ANK1: variants seen among roughly 807,000 people sequenced by gnomAD.
ANK1 encodes ankyrin 1.
ANK1 carries 51 observed loss-of-function variants against 210.4 expected under a neutral mutation model. The observed-to-expected ratio is 0.24, with a 90% CI of 0.19 to 0.31. ANK1 has a LOEUF of 0.31. ANK1 is among the 10% of genes least tolerant of loss of function. The probability of loss-of-function intolerance (pLI) is 1.00; values close to 1 mark genes in which losing one functional copy is unlikely to be tolerated. For synonymous variants in ANK1, 967 were observed against 1,025.9 expected, an observed-to-expected ratio of 0.94 and a Z score of 1.10; for missense variants, 2,051 against 2,504.4, an observed-to-expected ratio of 0.82 and a Z score of 3.86.
intron 1 of ANK1, among the ~76,000 whole-genome samples, chr8:41,865,032 C>G (rs943339513): frequency 1.3e-4 from 20 of 152,314 alleles, no homozygotes; most frequent in African/African-American, 4.8e-4. Context: ...AGAAGGGGAT[C>G]ACCCCCATTC....
intron 1 of ANK1, among the ~76,000 whole-genome samples, chr8:41,792,334 G>T (rs1396367257): frequency 6.6e-6 from 1 of 152,206 alleles, no homozygotes; most frequent in Non-Finnish European, 1.5e-5. Flanking sequence ...TCCGGCAGGG[G>T]TGTCAGGCTG....
chr8:41,711,968 A>G (rs1317494032), intron 16 of ANK1, among the ~76,000 whole-genome samples: 1 of 151,622 alleles, frequency 6.6e-6, no homozygotes, highest in Non-Finnish European at 1.5e-5. Flanking sequence ...TCTCTTGCCC[A>G]GGCTGGAGTG....
intron 1 of ANK1, among the ~76,000 whole-genome samples, chr8:41,765,085 C>T (rs1841439152): frequency 6.6e-6 from 1 of 151,972 alleles, no homozygotes; most frequent in African/African-American, 2.4e-5. Context: ...TTCCTTCCTT[C>T]CTTCTTTGCC....
At position 41,822,199 on chromosome 8, in the gene ANK1, AAAAG is replaced by A. The variant is rs1418569019; in HGVS notation, c.127-64066_127-64063del. On this transcript the variant is annotated intron_variant, in intron 1 of 42. Coordinates refer to the ANK1 transcript ENST00000265709. ...GAAAGAAAGAAAGAAGGAAAGAAAG[AAAAG>A]AAAGAAAGAGACAGACATCTACCTG... 6.6e-5 allele frequency among the ~76,000 whole-genome samples: 10 copies of A among 151,886 alleles called. No individual in the cohort carries two copies. The East Asian group carries it at 7.8e-4, about 12-fold the overall frequency.
intron 31 of ANK1, 34 bp downstream of exon 31, chr8:41,692,614 G>C (rs748452742): frequency 1.3e-6 from 2 of 1,591,430 alleles, no homozygotes; most frequent in African/African-American, 2.7e-5. Context: ...AGGACGGTTT[G>C]TCCCAGAGGC....
intron 2 of ANK1, among the ~76,000 whole-genome samples, chr8:41,747,668 T>G (rs1052250847): frequency 5.3e-5 from 8 of 152,184 alleles, no homozygotes; most frequent in Non-Finnish European, 1.2e-4. Context: ...CTCTAAGCAC[T>G]ATGAAGATCA....
At chr8:41,788,514 A>G (rs1846922129) in intron 1 of ANK1, among the ~76,000 whole-genome samples, 1 of 152,158 alleles carries the variant, frequency 6.6e-6, no homozygotes, top group African/African-American at 2.4e-5. Context: ...TCCCCAATAA[A>G]CAACTTTATT....
chr8:41,703,655 T>C lies in ANK1; in HGVS notation c.2295+386A>G, dbSNP rs570171024. On this transcript the variant is annotated intron_variant, in intron 20 of 42. Transcript: ENST00000289734. ...ATACGTATCACCACACCCACATAAT[T>C]AAAAAAATTTTTTTTTGTAGATTCA... Among the ~76,000 whole-genome samples, 89 of 150,848 alleles carry C rather than the reference T, an allele frequency of 5.9e-4. 1 individual carries two copies. In the South Asian group the frequency reaches 0.019, roughly 32 times the overall value.
At chr8:41,662,666 A>C (rs1319655694) in intron 40 of ANK1, among the ~76,000 whole-genome samples, 1 of 152,102 alleles carries the variant, frequency 6.6e-6, no homozygotes, top group Non-Finnish European at 1.5e-5. Flanking sequence ...GTGTGCTCTG[A>C]GTGGGAGGTG....
At chr8:41,836,982 T>G (rs950285461) in intron 1 of ANK1, among the ~76,000 whole-genome samples, 1 of 151,308 alleles carries the variant, frequency 6.6e-6, no homozygotes, top group Non-Finnish European at 1.5e-5. Flanking sequence ...GCGCAGAGCA[T>G]GGGCCTGGGG....
chr8:41,863,362 A>T (rs892005460), intron 1 of ANK1, among the ~76,000 whole-genome samples: 4 of 151,114 alleles, frequency 2.6e-5, no homozygotes, highest in Admixed American at 1.3e-4. Flanking sequence ...CCATCTCATT[A>T]AAAAAAAAGA....
intron 37 of ANK1, among the ~76,000 whole-genome samples, chr8:41,683,049 T>C (rs1272739548): frequency 6.6e-6 from 1 of 150,782 alleles, no homozygotes; most frequent in African/African-American, 2.4e-5. Flanking sequence ...CACACACACA[T>C]GTATGCACAC....
At chr8:41,696,897 C>G in intron 24 of ANK1, 124 bp from the exon 25 acceptor site, 3 of 871,298 alleles carry the variant, frequency 3.4e-6, no homozygotes, top group Non-Finnish European at 3.7e-6. Context: ...AGAAAGTGCT[C>G]CCACGGGACC....
rs1809358387 is a variant in ANK1, at chr8:41,663,750, TAGAGAA to T, written c.5395-14_5395-9del. The T allele has an allele frequency of 6.2e-7, 1 of 1,609,782 alleles. No homozygotes were observed. The highest frequency in any genetic ancestry group is 1.7e-5 in the Admixed American group (1 of 59,994). ...ATTCTGAAACTCATTCCCCTGGAAT[TAGAGAA>T]AGGGAGAAAATGCAAGATTGGTGAG... On this transcript the variant is annotated splice_polypyrimidine_tract_variant and intron_variant, in intron 39 of 42. Transcript: ENST00000289734.
chr8:41,722,872 G>A (rs991209258), intron 9 of ANK1, among the ~76,000 whole-genome samples: 1 of 152,150 alleles, frequency 6.6e-6, no homozygotes, highest in Non-Finnish European at 1.5e-5. Flanking sequence ...TTGCAACAGG[G>A]ACCACGGCCT....
chr8:41,851,152 A>G (rs1811155706), intron 1 of ANK1, among the ~76,000 whole-genome samples: 1 of 152,216 alleles, frequency 6.6e-6, no homozygotes, highest in South Asian at 2.1e-4. Flanking sequence ...GGAGCTGCAG[A>G]GTTCACAGAA....
chr8:41,673,571 C>T (rs925893919), intron 37 of ANK1, among the ~76,000 whole-genome samples: 1 of 152,172 alleles, frequency 6.6e-6, no homozygotes, highest in South Asian at 2.1e-4. Context: ...TAAAGTGCTA[C>T]AGGGGAGGGC....
chr8:41,758,917 G>A (rs1839818773), intron 1 of ANK1, among the ~76,000 whole-genome samples: 2 of 151,986 alleles, frequency 1.3e-5, no homozygotes, highest in African/African-American at 4.8e-5. Context: ...CCTTTTTAGA[G>A]ATGGGGTCTC....
intron 1 of ANK1, among the ~76,000 whole-genome samples, chr8:41,848,845 C>T (rs1203146117): frequency 1.3e-5 from 2 of 152,158 alleles, no homozygotes; most frequent in Admixed American, 1.3e-4. Flanking sequence ...GAGTAGGTGG[C>T]CCCAGGCTGC....
Sources: allele counts gnomAD v4.1 joint callset (sites outside exome capture counted in the v4.1 genomes callset), GRCh38; gene constraint gnomAD v4.1.1; transcripts MANE v1.5; gene names NCBI Gene and HGNC (gene_info 2026-07-23, HGNC 2026-07-21).